The following PALLD variants were observed in gnomAD, a reference collection of about 807,000 sequenced individuals.
PALLD encodes palladin.
In PALLD, 61 loss-of-function variants were observed where a neutral mutation model predicts 123.5. The observed-to-expected ratio is 0.49, with a 90% CI of 0.40 to 0.61. The LOEUF (loss-of-function observed/expected upper bound fraction) is 0.61. Ranked by LOEUF, PALLD falls within the 20% of genes least tolerant of loss-of-function variation. The pLI, the probability that PALLD is intolerant of heterozygous loss-of-function variation, is 0.00. For synonymous variants in PALLD, 465 were observed against 496.4 expected (o/e 0.94, Z 0.84); for missense variants, 1,273 against 1,377.0 (o/e 0.92, Z 1.20).
chr4:168,552,623 C>G (rs1766851716), intron 2 of PALLD, among the ~76,000 whole-genome samples: 1 of 152,010 alleles, frequency 6.6e-6, no homozygotes, highest in South Asian at 2.1e-4. Flanking sequence ...GTTATATATT[C>G]CTATGTATTT....
At chr4:168,677,028 G>C (rs1244784606) in intron 3 of PALLD, among the ~76,000 whole-genome samples, 1 of 152,152 alleles carries the variant, frequency 6.6e-6, no homozygotes, top group Non-Finnish European at 1.5e-5. Context: ...AAAAGTTAAG[G>C]TTTAGGCAGG....
intron 2 of PALLD, among the ~76,000 whole-genome samples, chr4:168,650,454 G>A (rs1387289034): frequency 2.0e-5 from 3 of 152,292 alleles, no homozygotes; most frequent in East Asian, 1.9e-4. Context: ...ATTTCATTAT[G>A]CAGGATACCA....
chr4:168,547,072 T>C (rs996037263), intron 2 of PALLD, among the ~76,000 whole-genome samples: 2 of 152,184 alleles, frequency 1.3e-5, no homozygotes, highest in African/African-American at 4.8e-5. Flanking sequence ...TTTAGAGTTC[T>C]GATTCTGTTA....
At chr4:168,854,852 C>G (rs1748347581) in intron 10 of PALLD, among the ~76,000 whole-genome samples, 1 of 152,158 alleles carries the variant, frequency 6.6e-6, no homozygotes, top group Non-Finnish European at 1.5e-5. Context: ...GGGGACTGTT[C>G]TCCAGGTCAG....
At position 168,734,462 on chromosome 4, in the gene PALLD, G is replaced by T. The variant is rs72699888; in HGVS notation, c.1964+22539G>T. The stretch of plus-strand genomic sequence containing the variant: ...TAAAAGATTTGAGAGGAGGGGATGT[G>T]GTGGAGGAATGGTGCAGCTCGAAAT... On this transcript the variant is annotated intron_variant, in intron 10 of 21. Coordinates refer to ENST00000505667, the MANE Select transcript of PALLD (RefSeq NM_001166108.2). 3.0e-3 allele frequency among the ~76,000 whole-genome samples: 451 copies of T among 152,144 alleles called. 2 individuals carry two copies. Among genetic ancestry groups the T allele is most frequent in the Non-Finnish European group, 5.4e-3 (369 of 67,984 alleles).
At chr4:168,841,555 C>G (rs903220864) in intron 10 of PALLD, among the ~76,000 whole-genome samples, 1 of 152,168 alleles carries the variant, frequency 6.6e-6, no homozygotes, top group East Asian at 1.9e-4. Context: ...GGAGAAAATG[C>G]AGCAGTGGGG....
In PALLD at chr4:168,628,988, C is replaced by T. The variant is rs1304551918; in HGVS notation, c.909-39202C>T. On this transcript the variant is annotated intron_variant, in intron 2 of 21. Transcript: ENST00000505667. ...TATGTATTTAAGTGAAGATGTAAGACGAAGCCCAGTTATTGTTCTGCCTAT... is the reference window on the plus strand; with the variant it reads ...TATGTATTTAAGTGAAGATGTAAGATGAAGCCCAGTTATTGTTCTGCCTAT... Among the ~76,000 whole-genome samples the T allele has an allele frequency of 3.3e-5, 5 of 149,562 alleles. No homozygotes were observed. The South Asian group carries it at 8.4e-4, about 25-fold the overall frequency.
In PALLD at chr4:168,752,856, T is replaced by C. The variant is rs1024195293; in HGVS notation, c.1964+40933T>C. On this transcript the variant is annotated intron_variant, in intron 10 of 21. Coordinates refer to ENST00000505667, the MANE Select transcript of PALLD (RefSeq NM_001166108.2). ...ATTATTATTTCCAGTACCTAAAATCTTTTAAAACTTATAGTATAAATAATT... is the reference window on the plus strand; with the variant it reads ...ATTATTATTTCCAGTACCTAAAATCCTTTAAAACTTATAGTATAAATAATT... 3.3e-5 allele frequency among the ~76,000 whole-genome samples: 5 copies of C among 152,124 alleles called. 1 individual carries two copies. Among genetic ancestry groups the C allele is most frequent in the Non-Finnish European group, 5.9e-5 (4 of 68,032 alleles).
At chr4:168,903,680 C>CTGT (rs1757026531) in intron 14 of PALLD, 77 bp from the exon 15 acceptor site, 1 of 1,200,648 alleles carries the variant, frequency 8.3e-7, no homozygotes, top group African/African-American at 1.5e-5. Context: ...GCAAACCACA[C>CTGT]TGTTACTATT....
intron 2 of PALLD, among the ~76,000 whole-genome samples, chr4:168,666,950 T>A (rs77312921): frequency 0.16 from 24,507 of 152,166 alleles, 2,099 homozygotes; most frequent in African/African-American, 0.22. Context: ...AGAAATACTG[T>A]CCTGCTCCGT....
At chr4:168,719,406 C>T (rs949186546) in intron 10 of PALLD, among the ~76,000 whole-genome samples, 5 of 151,294 alleles carry the variant, frequency 3.3e-5, no homozygotes, top group African/African-American at 7.3e-5. Context: ...TACAGGCACC[C>T]GCCACCTTGC....
intron 10 of PALLD, among the ~76,000 whole-genome samples, chr4:168,889,837 A>T (rs2050583103): frequency 1.3e-5 from 2 of 152,238 alleles, no homozygotes; most frequent in Admixed American, 1.3e-4. Flanking sequence ...CATTTCTAAC[A>T]ACTTCAGGTC....
At chr4:168,825,892 T>C (rs546602362) in intron 10 of PALLD, among the ~76,000 whole-genome samples, 1 of 152,344 alleles carries the variant, frequency 6.6e-6, no homozygotes, top group Admixed American at 6.5e-5. Context: ...ACTTTATGCA[T>C]GATCTTACCC....
In PALLD at chr4:168,898,527, T is replaced by G; in HGVS notation, c.2285T>G (p.Ile762Ser). Residue 762 changes from isoleucine to serine, a missense_variant, in exon 14 of 22, where the codon ATC (isoleucine) becomes AGC (serine). Ile to Ser is a moderately radical substitution (Grantham distance 142, BLOSUM62 -2). Around this residue, in one of 2 missense-constraint regions of PALLD, gnomAD observed 944 missense variants for 954.5 expected, o/e 0.99. Transcript: ENST00000505667. The part of the protein sequence containing the change: ...YKVSSCEQRL[I>S]SEIEYRLERS... ...GTCTCCAGCTGTGAACAGAGACTCA[T>G]CAGTGAAATAGAGTACAGGCTAGAA... is the stretch of plus-strand genomic sequence containing the variant. The G allele has an allele frequency of 6.2e-7, 1 of 1,613,536 alleles. No homozygotes were observed. Among genetic ancestry groups the G allele is most frequent in the Non-Finnish European group, 8.5e-7 (1 of 1,179,444 alleles).
At chr4:168,730,420 CATTTT>C (rs1317122952) in intron 10 of PALLD, among the ~76,000 whole-genome samples, 1 of 151,986 alleles carries the variant, frequency 6.6e-6, no homozygotes, top group Non-Finnish European at 1.5e-5. Context: ...TTGTTATTGT[CATTTT>C]GTTTTGTTTT....
chr4:168,704,253 A>C (rs1783999696), intron 8 of PALLD, among the ~76,000 whole-genome samples: 1 of 152,134 alleles, frequency 6.6e-6, no homozygotes. Flanking sequence ...TAAAGACTTA[A>C]ACATTAGACC....
intron 2 of PALLD, among the ~76,000 whole-genome samples, chr4:168,616,201 T>TAAA (rs1460139450): frequency 9.2e-5 from 14 of 152,174 alleles, no homozygotes; most frequent in African/African-American, 3.4e-4. Context: ...AACTCTAACT[T>TAAA]GTTTTATTTT....
At chr4:168,605,724 C>A (rs1773096782) in intron 2 of PALLD, among the ~76,000 whole-genome samples, 1 of 152,168 alleles carries the variant, frequency 6.6e-6, no homozygotes, top group Non-Finnish European at 1.5e-5. Context: ...GTAGCTGCTA[C>A]CACCCATGCT....
chr4:168,772,973 C>T lies in PALLD; in HGVS notation c.1964+61050C>T, dbSNP rs1266235335. 2.0e-5 allele frequency among the ~76,000 whole-genome samples: 3 copies of T among 152,068 alleles called. No homozygotes were observed. The South Asian group carries it at 6.2e-4, about 32-fold the overall frequency. On this transcript the variant is annotated intron_variant, in intron 10 of 21. Transcript: ENST00000505667. ...GGCATGGAGTGGGTCACTGGCTGGA[C>T]GTTTAATGGGTTTACATTATTCCTT... is the stretch of plus-strand genomic sequence containing the variant.
Sources: allele counts gnomAD v4.1 joint callset (sites outside exome capture counted in the v4.1 genomes callset), GRCh38; gene constraint gnomAD v4.1.1; regional missense constraint gnomAD v4.1.1; transcripts MANE v1.5; gene names NCBI Gene and HGNC (gene_info 2026-07-23, HGNC 2026-07-21).